ASIP: variants seen among roughly 807,000 people sequenced by gnomAD.
The protein encoded by ASIP is agouti-signaling protein.
In ASIP, 11 loss-of-function variants were observed where a neutral mutation model predicts 10.3. The ratio of observed to expected loss-of-function variants is 1.07; its 90% CI spans 0.68 to 1.78. The LOEUF (loss-of-function observed/expected upper bound fraction) is 1.78. ASIP is among the 40% of genes most tolerant of loss of function. The probability of loss-of-function intolerance (pLI) is 0.00; values close to 1 mark genes in which losing one functional copy is unlikely to be tolerated. For synonymous variants in ASIP, 70 were observed against 70.8 expected, an observed-to-expected ratio of 0.99 and a Z score of 0.06; for missense variants, 180 against 169.2, an observed-to-expected ratio of 1.06 and a Z score of -0.35.
chr20:34,268,438 C>T (rs2035825892), intron 3 of ASIP, among the ~76,000 whole-genome samples: 1 of 152,134 alleles, frequency 6.6e-6, no homozygotes, highest in Non-Finnish European at 1.5e-5. Flanking sequence ...ACCACTTAGG[C>T]CGGGCGCGGT....
intron 1 of ASIP, among the ~76,000 whole-genome samples, chr20:34,236,042 CAG>C (rs2035203761): frequency 1.8e-5 from 2 of 109,902 alleles, no homozygotes; most frequent in African/African-American, 7.6e-5. Context: ...GAGAAAGAAA[CAG>C]AAAAGGAAGG....
In ASIP at chr20:34,262,892, A is replaced by C; in HGVS notation, c.221A>C (p.Lys74Thr). 1 of 1,613,990 alleles carries C rather than the reference A, an allele frequency of 6.2e-7. No individual in the cohort carries two copies. The highest frequency in any genetic ancestry group is 2.2e-5 in the East Asian group (1 of 44,886). Reference protein sequence around the residue: ...RKAAEKKRSSKKEASMKKVVR... With the variant: ...RKAAEKKRSSTKEASMKKVVR... Reference sequence around the variant, plus strand: ...GCAGCAGAAAAGAAAAGATCTTCTAAGGTAAGGGCAGGGAAGTTCTGGGAG... The same window carrying C: ...GCAGCAGAAAAGAAAAGATCTTCTACGGTAAGGGCAGGGAAGTTCTGGGAG... Residue 74 changes from lysine to threonine, a missense_variant and splice_region_variant, in exon 3 of 4, where the codon AAG (lysine) becomes ACG (threonine). Physicochemically the swap from Lys to Thr is moderately conservative, Grantham distance 78. Coordinates refer to ENST00000374954, the MANE Select transcript of ASIP (RefSeq NM_001672.3).
chr20:34,215,137 T>C lies in ASIP; in HGVS notation c.-11+20377T>C, dbSNP rs2122553478. 1.9e-6 allele frequency: 3 copies of C among 1,588,648 alleles called. No homozygotes were observed. The East Asian group carries it at 6.7e-5, about 35-fold the overall frequency. Reference sequence around the variant, plus strand: ...TTTATCAACAGGGTCCATTCCTTTATTTACAACTTCAAATAAACAGTCACA... The same window carrying C: ...TTTATCAACAGGGTCCATTCCTTTACTTACAACTTCAAATAAACAGTCACA... On this transcript the variant is annotated intron_variant, in intron 1 of 3. Coordinates refer to the ASIP transcript ENST00000568305.
At chr20:34,196,094 C>T (rs901994482) in intron 1 of ASIP, among the ~76,000 whole-genome samples, 2 of 149,848 alleles carry the variant, frequency 1.3e-5, no homozygotes, top group African/African-American at 2.5e-5. Context: ...CAGTCCGGCA[C>T]GGAGAAATAA....
intron 1 of ASIP, chr20:34,213,910 T>C (rs2034990641): frequency 1.3e-6 from 2 of 1,585,822 alleles, no homozygotes; most frequent in Admixed American, 3.5e-5. Context: ...AACAGCATGG[T>C]TGAGACAGTC....
At chr20:34,201,017 C>CTTCCTTAT (rs751841818) in intron 1 of ASIP, among the ~76,000 whole-genome samples, 1 of 63,418 alleles carries the variant, frequency 1.6e-5, no homozygotes, top group Non-Finnish European at 3.1e-5. Flanking sequence ...TCCTTCCTTC[C>CTTCCTTAT]TTCTTTCTTT....
chr20:34,217,739 C>T (rs1012815535), intron 1 of ASIP, among the ~76,000 whole-genome samples: 3 of 151,944 alleles, frequency 2.0e-5, no homozygotes, highest in South Asian at 2.1e-4. Context: ...TTTTTTTGTA[C>T]TTTTAGTAGA....
chr20:34,191,731 T>TTTC (rs1568741794), upstream of ASIP, among the ~76,000 whole-genome samples: 4 of 76,388 alleles, frequency 5.2e-5, no homozygotes, highest in African/African-American at 7.4e-4. Context: ...TCTCTCTCTC[T>TTTC]TTTTTTTTTT....
chr20:34,247,300 CT>C lies in ASIP; in HGVS notation c.-11+5829del, dbSNP rs201908221. Among the ~76,000 whole-genome samples the C allele has an allele frequency of 3.7e-3, 449 of 120,644 alleles. 2 individuals carry two copies. Among genetic ancestry groups the C allele is most frequent in the East Asian group, 0.022 (93 of 4,170 alleles). The allele number at this position is 120,644 out of a possible 152,430, so 79.1% of individuals were successfully genotyped here. ...GCTATGATTATTACATTATATGATG[CT>C]TTTTTTTTTTTTTTTTTGAGACAGA... On this transcript the variant is annotated intron_variant, in intron 1 of 3. Transcript: ENST00000374954.
chr20:34,222,466 T>C (rs2035054234), intron 1 of ASIP, among the ~76,000 whole-genome samples: 1 of 152,166 alleles, frequency 6.6e-6, no homozygotes, highest in Non-Finnish European at 1.5e-5. Context: ...ACTCTGAAAC[T>C]AGATGCAGAA....
intron 3 of ASIP, among the ~76,000 whole-genome samples, chr20:34,264,070 C>A (rs1251069294): frequency 2.0e-5 from 3 of 152,042 alleles, no homozygotes; most frequent in Non-Finnish European, 4.4e-5. Flanking sequence ...AAAAGTATGT[C>A]ATTAATGCAT....
At chr20:34,205,134 A>G (rs2034926024) in intron 1 of ASIP, among the ~76,000 whole-genome samples, 1 of 152,252 alleles carries the variant, frequency 6.6e-6, no homozygotes, top group African/African-American at 2.4e-5. Flanking sequence ...GGTGAGTGTT[A>G]CAGTTCTTAA....
At chr20:34,196,340 A>AT (rs1399494306) in intron 1 of ASIP, among the ~76,000 whole-genome samples, 1 of 151,556 alleles carries the variant, frequency 6.6e-6, no homozygotes, top group Non-Finnish European at 1.5e-5. Flanking sequence ...CGCCCAGCTA[A>AT]TTTTTTGTAT....
intron 1 of ASIP, among the ~76,000 whole-genome samples, chr20:34,246,714 T>C (rs2035381824): frequency 6.6e-6 from 1 of 152,180 alleles, no homozygotes; most frequent in East Asian, 1.9e-4. Context: ...CACCTCAGCC[T>C]CCCAAAGTGC....
intron 1 of ASIP, chr20:34,215,475 T>C (rs1274722692): frequency 1.3e-5 from 20 of 1,527,474 alleles, no homozygotes; most frequent in Non-Finnish European, 1.8e-5. Context: ...GGTACAGATC[T>C]ACTCCCCTTG....
At chr20:34,216,011 C>T (rs2035005755) in intron 1 of ASIP, 3 of 696,692 alleles carry the variant, frequency 4.3e-6, no homozygotes, top group Non-Finnish European at 7.9e-6. Flanking sequence ...ACTCCATGGT[C>T]AGCCAGCGGA....
At chr20:34,207,971 A>G (rs917765436) in intron 1 of ASIP, among the ~76,000 whole-genome samples, 2 of 151,696 alleles carry the variant, frequency 1.3e-5, no homozygotes, top group Non-Finnish European at 2.9e-5. Context: ...TTGTATTTTT[A>G]GTAGAGACCG....
At chr20:34,252,884 A>C (rs1181420099) in intron 1 of ASIP, among the ~76,000 whole-genome samples, 3 of 152,216 alleles carry the variant, frequency 2.0e-5, no homozygotes, top group African/African-American at 7.2e-5. Context: ...TTTACCAGGC[A>C]TACTGCCTGC....
chr20:34,230,793 G>A (rs1224840160), intron 1 of ASIP, among the ~76,000 whole-genome samples: 1 of 41,234 alleles, frequency 2.4e-5, no homozygotes, highest in African/African-American at 2.0e-4. Context: ...CCTCCCTCCC[G>A]GACGGGGTGG....
Sources: gnomAD v4.1 joint callset for allele counts (sites outside exome capture counted in the v4.1 genomes callset) on GRCh38, gnomAD v4.1.1 for gene constraint, MANE v1.5 for transcripts, NCBI Gene and HGNC (gene_info 2026-07-23, HGNC 2026-07-21) for gene names.